Variants in TRANK1 observed in about 807,000 individuals in gnomAD.
TRANK1 encodes tetratricopeptide repeat and ankyrin repeat containing 1.
Under a neutral mutation model 266.0 loss-of-function variants are expected in TRANK1, and 198 were observed. That is an observed-to-expected ratio of 0.74 (90% CI 0.66 to 0.84). The LOEUF (loss-of-function observed/expected upper bound fraction) is 0.84. Among genes scored for constraint, TRANK1 ranks in the 40% least tolerant of loss-of-function variants. The probability of loss-of-function intolerance (pLI) is 0.00; values close to 1 mark genes in which losing one functional copy is unlikely to be tolerated. For missense variants in TRANK1, 3,326 were observed against 3,634.6 expected (o/e 0.92, Z 2.18); for synonymous variants, 1,396 against 1,384.1 (o/e 1.01, Z -0.19).
intron 8 of TRANK1, among the ~76,000 whole-genome samples, chr3:36,886,892 A>G (rs1165624951): frequency 2.2e-5 from 3 of 139,022 alleles, no homozygotes; most frequent in Non-Finnish European, 4.6e-5. Context: ...TTCCACCTAC[A>G]TTTTTTGTTG....
At chr3:36,852,656 A>C (rs1412663590) in intron 13 of TRANK1, among the ~76,000 whole-genome samples, 1 of 151,776 alleles carries the variant, frequency 6.6e-6, no homozygotes, top group Non-Finnish European at 1.5e-5. Flanking sequence ...ATAAACAATG[A>C]GACCTCAGGA....
Position 36,831,731 on chromosome 3 carries a change from C to T in TRANK1, c.7852G>A (p.Val2618Ile). 6.2e-7 allele frequency: 1 copy of T among 1,614,000 alleles called. No homozygotes were observed. Residue 2618 changes from valine to isoleucine, a missense_variant, in exon 22 of 24, where the codon GTC (valine) becomes ATC (isoleucine). Val to Ile is a conservative substitution (Grantham distance 29). Transcript: ENST00000645898. The surrounding 1 kb of genome is among the most constrained non-coding windows in gnomAD (Gnocchi z 5.0). ...GACTTCACATTGACTGCCACCAAGA[C>T]CCGCTTCACCACCTTCAGGAGCCTC... ...PERLLKVVKR[V>I]LVAVNVKSVA...
chr3:36,895,050 T>C (rs1348188646), intron 5 of TRANK1, among the ~76,000 whole-genome samples: 1 of 152,212 alleles, frequency 6.6e-6, no homozygotes, highest in Non-Finnish European at 1.5e-5. Flanking sequence ...TAGGTTTATA[T>C]AATGCAACTT....
intron 1 of TRANK1, among the ~76,000 whole-genome samples, chr3:36,910,868 G>A (rs904830766): frequency 3.9e-5 from 6 of 152,150 alleles, no homozygotes; most frequent in South Asian, 2.1e-4. Flanking sequence ...CCAGGAGTTC[G>A]AGACCAGCCC....
intron 8 of TRANK1, among the ~76,000 whole-genome samples, chr3:36,876,494 C>T (rs2079389795): frequency 6.6e-6 from 1 of 152,226 alleles, no homozygotes; most frequent in South Asian, 2.1e-4. Context: ...AGGAGGTATC[C>T]TCTTTGACTG....
intron 2 of TRANK1, among the ~76,000 whole-genome samples, chr3:36,904,238 G>C (rs1424065421): frequency 2.0e-5 from 3 of 151,104 alleles, no homozygotes; most frequent in Non-Finnish European, 3.0e-5. Flanking sequence ...ACATAATTAA[G>C]ATATTAAATA....
intron 8 of TRANK1, among the ~76,000 whole-genome samples, chr3:36,876,862 G>T (rs1351088281): frequency 6.6e-6 from 1 of 152,122 alleles, no homozygotes; most frequent in African/African-American, 2.4e-5. Flanking sequence ...CAGATGTAAT[G>T]ATCCAACCTC....
At position 36,851,874 on chromosome 3, in the gene TRANK1, A is replaced by T. The variant is rs1233622293; in HGVS notation, c.4750-18T>A. On this transcript the variant is annotated intron_variant, in intron 14 of 23. Transcript: ENST00000645898. ...AGGATTACCTGAAGAAAAACAAAAG[A>T]ACATCAAATTCTACAGAGAAAACCC... 1.9e-6 allele frequency: 3 copies of T among 1,576,272 alleles called. No homozygotes were observed. The highest frequency in any genetic ancestry group is 4.6e-5 in the East Asian group (2 of 43,874).
chr3:36,867,234 TC>T (rs1228334203), intron 9 of TRANK1, among the ~76,000 whole-genome samples: 1 of 152,090 alleles, frequency 6.6e-6, no homozygotes, highest in Non-Finnish European at 1.5e-5. Context: ...AAGAGAAACT[TC>T]CTTCACTATC....
At chr3:36,944,707 C>A (rs1056690131) in intron 1 of TRANK1, 80 bp downstream of exon 1, 2 of 1,473,416 alleles carry the variant, frequency 1.4e-6, no homozygotes, top group Admixed American at 4.3e-5. Context: ...CCAGTCCCCG[C>A]GCGCGGCCGC....
At chr3:36,866,211 G>A (rs1392628069) in intron 9 of TRANK1, among the ~76,000 whole-genome samples, 1 of 152,194 alleles carries the variant, frequency 6.6e-6, no homozygotes, top group African/African-American at 2.4e-5. Context: ...GAACAGATAA[G>A]AGAGCAGAAC....
Position 36,855,348 on chromosome 3 carries a change from G to T in TRANK1, c.4374C>A (p.Asn1458Lys). The change falls in exon 13 of 24, where the codon AAC (asparagine) becomes AAA (lysine). Residue 1458 changes from asparagine to lysine, a missense_variant. Coordinates refer to ENST00000645898, the MANE Select transcript of TRANK1 (RefSeq NM_001329998.2). ...ALLMKCINDP[N>K]SMFLTGDTAQ... ...CCGTGTCCCCCGTGAGGAACATAGA[G>T]TTGGGGTCATTGATGCATTTCATCA... 2 of 1,614,062 alleles carry T rather than the reference G, an allele frequency of 1.2e-6. No individual in the cohort carries two copies. The highest frequency in any genetic ancestry group is 1.7e-6 in the Non-Finnish European group (2 of 1,179,898).
intron 1 of TRANK1, among the ~76,000 whole-genome samples, chr3:36,922,802 G>T (rs1368767534): frequency 6.6e-6 from 1 of 151,774 alleles, no homozygotes; most frequent in East Asian, 1.9e-4. Flanking sequence ...AAAATTAAAG[G>T]TTTAATTCCT....
intron 15 of TRANK1, chr3:36,850,075 G>A: frequency 1.0e-6 from 1 of 985,392 alleles, no homozygotes; most frequent in South Asian, 4.7e-5. Context: ...AGATCCTTAA[G>A]TCCAGAGCTC....
At chr3:36,871,198 G>A (rs181272850) in intron 9 of TRANK1, among the ~76,000 whole-genome samples, 18 of 152,134 alleles carry the variant, frequency 1.2e-4, no homozygotes, top group African/African-American at 4.3e-4. Context: ...GACCAGCCTG[G>A]CCAACACGCT....
intron 2 of TRANK1, among the ~76,000 whole-genome samples, chr3:36,907,458 GA>G (rs1188448274): frequency 1.7e-5 from 2 of 114,600 alleles, no homozygotes; most frequent in African/African-American, 7.0e-5. Flanking sequence ...CAAATTTATT[GA>G]TTTTTTTTTT....
chr3:36,854,367 C>CAA (rs113295260), intron 13 of TRANK1, among the ~76,000 whole-genome samples: 66 of 142,868 alleles, frequency 4.6e-4, no homozygotes, highest in Admixed American at 7.6e-4. Flanking sequence ...CTGAAAAAAA[C>CAA]AAAAAAAAAA....
At chr3:36,899,290 G>A (rs1236930940) in intron 3 of TRANK1, 31 bp from the exon 4 acceptor site, 8 of 1,532,584 alleles carry the variant, frequency 5.2e-6, no homozygotes, top group Non-Finnish European at 7.0e-6. Context: ...AAACTGTCAT[G>A]TACCACATCT....
Position 36,903,051 on chromosome 3 carries a change from G to A in TRANK1, c.282+98C>T, listed in dbSNP as rs765291846. 9 of 1,424,834 alleles carry A rather than the reference G, an allele frequency of 6.3e-6. No homozygotes were observed. In the South Asian group the frequency reaches 1.3e-4, roughly 21 times the overall value. The allele number at this position is 1,424,834 out of a possible 1,614,324, so 88.3% of individuals were successfully genotyped here. On this transcript the variant is annotated intron_variant, in intron 3 of 23. Coordinates refer to ENST00000645898, the MANE Select transcript of TRANK1 (RefSeq NM_001329998.2). ...GAGGCAGCAGCTGCCACCCCCAGGT[G>A]CCACTGCCCCACACTTTCTCTCATC... is the stretch of plus-strand genomic sequence containing the variant.
Sources: gnomAD v4.1 joint callset for allele counts (sites outside exome capture counted in the v4.1 genomes callset) on GRCh38, gnomAD v4.1.1 for gene constraint, Gnocchi (gnomAD v3.1) non-coding constraint, MANE v1.5 for transcripts, NCBI Gene and HGNC (gene_info 2026-07-23, HGNC 2026-07-21) for gene names.